Variants in CTNNA1 observed in about 807,000 individuals in gnomAD.
CTNNA1 encodes the protein catenin alpha-1.
In CTNNA1, 37 loss-of-function variants were observed where a neutral mutation model predicts 98.4. That is an observed-to-expected ratio of 0.38 (90% confidence interval 0.29 to 0.49). CTNNA1 has a LOEUF of 0.49. Among genes scored for constraint, CTNNA1 ranks in the 20% least tolerant of loss-of-function variants. The pLI is 0.95. For missense variants in CTNNA1, 761 were observed against 1,147.2 expected, an observed-to-expected ratio of 0.66 and a Z score of 4.86; for synonymous variants, 404 against 413.2, an observed-to-expected ratio of 0.98 and a Z score of 0.27.
chr5:138,892,328 GTTTTT>G (rs70982738), intron 9 of CTNNA1, among the ~76,000 whole-genome samples: 2 of 79,250 alleles, frequency 2.5e-5, no homozygotes, highest in African/African-American at 5.5e-5. Context: ...AAATAGCTTA[GTTTTT>G]TTTTTTTTTT....
intron 3 of CTNNA1, among the ~76,000 whole-genome samples, chr5:138,786,391 T>C (rs1354584566): frequency 6.6e-6 from 1 of 152,202 alleles, no homozygotes; most frequent in Non-Finnish European, 1.5e-5. Flanking sequence ...CTTAATCAAC[T>C]GAGACTTGTT....
intron 7 of CTNNA1, among the ~76,000 whole-genome samples, chr5:138,879,386 T>G (rs552808356): frequency 6.6e-6 from 1 of 152,278 alleles, no homozygotes; most frequent in South Asian, 2.1e-4. Context: ...AGTGTCTACA[T>G]TAGACTACCA....
chr5:138,930,585 G>C lies in CTNNA1; in HGVS notation c.2123G>C (p.Ser708Thr). 1 of 1,614,074 alleles carries C rather than the reference G, an allele frequency of 6.2e-7. No individual in the cohort carries two copies. Among genetic ancestry groups the C allele is most frequent in the East Asian group, 2.2e-5 (1 of 44,876 alleles). Residue 708 changes from serine (S) to threonine (T), a missense_variant, in exon 15 of 18, where the codon AGT (serine) becomes ACT (threonine). By Grantham distance (58) the Ser-to-Thr change is moderately conservative. This residue lies in a region of CTNNA1 where 77 missense variants were observed against 198.8 expected (regional missense o/e 0.39). Transcript: ENST00000302763. ...LDAEVSKWDD[S>T]GNDIIVLAKQ... ...GCTGAAGTGTCCAAATGGGACGACA[G>C]TGGCAATGACATCATTGTGCTGGCC...
intron 3 of CTNNA1, among the ~76,000 whole-genome samples, chr5:138,801,561 C>G (rs901653461): frequency 2.0e-5 from 3 of 152,170 alleles, no homozygotes; most frequent in Non-Finnish European, 4.4e-5. Context: ...ACAAACTTCG[C>G]TGCTAGCTTT....
intron 3 of CTNNA1, among the ~76,000 whole-genome samples, chr5:138,795,064 C>A (rs1308599092): frequency 6.7e-6 from 1 of 148,400 alleles, no homozygotes; most frequent in Non-Finnish European, 1.5e-5. Context: ...GTGGGAGAAT[C>A]ACTTGAACTC....
intron 9 of CTNNA1, among the ~76,000 whole-genome samples, chr5:138,901,815 C>A (rs1408901461): frequency 2.6e-5 from 4 of 152,200 alleles, no homozygotes; most frequent in African/African-American, 9.7e-5. Flanking sequence ...GGAAGCTCCT[C>A]TCCTCGCCCT....
intron 1 of CTNNA1, among the ~76,000 whole-genome samples, chr5:138,757,353 C>T (rs1172738650): frequency 1.3e-5 from 2 of 151,990 alleles, no homozygotes; most frequent in Admixed American, 1.3e-4. Flanking sequence ...GGAAATGGAT[C>T]GTGAATATAT....
At chr5:138,833,679 G>T (rs1761498032) in intron 7 of CTNNA1, among the ~76,000 whole-genome samples, 1 of 152,216 alleles carries the variant, frequency 6.6e-6, no homozygotes, top group African/African-American at 2.4e-5. Context: ...GCTAAGGTGA[G>T]TAGATGAGAG....
intron 3 of CTNNA1, among the ~76,000 whole-genome samples, chr5:138,787,759 T>G (rs1581005450): frequency 6.6e-6 from 1 of 152,248 alleles, no homozygotes; most frequent in East Asian, 1.9e-4. Context: ...GTTTTTGATG[T>G]GTAACTTTCT....
intron 3 of CTNNA1, among the ~76,000 whole-genome samples, chr5:138,788,923 T>C (rs1255611266): frequency 1.3e-5 from 2 of 152,236 alleles, no homozygotes; most frequent in Non-Finnish European, 2.9e-5. Context: ...GCTTCTTCCC[T>C]ATAGCTCATG....
chr5:138,924,694 G>A lies in CTNNA1; in HGVS notation c.1731G>A (p.Lys577=), dbSNP rs746759013. The A allele has an allele frequency of 7.0e-6, 11 of 1,580,638 alleles. No homozygotes were observed. The highest frequency in any genetic ancestry group is 2.3e-5 in the East Asian group (1 of 43,310). The change falls in exon 12 of 18, where the codon AAG becomes AAA. Residue 577 remains lysine (K), a synonymous_variant. Transcript: ENST00000302763. The stretch of plus-strand genomic sequence containing the variant: ...CAGAGAAGGTTCTGGAAGCCACTAA[G>A]CTGCTCTCCAACACAGGTACGGGAA... ...VYTEKVLEAT[K]LLSNTVMPRF... is the part of the protein sequence containing the mutation.
chr5:138,787,259 T>C (rs1003604318), intron 3 of CTNNA1, among the ~76,000 whole-genome samples: 3 of 152,040 alleles, frequency 2.0e-5, no homozygotes, highest in African/African-American at 7.2e-5. Context: ...TGAAACCCCG[T>C]CTCTACTAAA....
chr5:138,931,028 A>G, intron 16 of CTNNA1, 93 bp downstream of exon 16: 1 of 761,814 alleles, frequency 1.3e-6, no homozygotes, highest in South Asian at 1.5e-5. Context: ...CATGGGCCAC[A>G]GCACTTTTGC....
rs764934492 is a variant in CTNNA1, at chr5:138,932,667, C to G, written c.2388C>G (p.Val796=). Residue 796 remains valine, a synonymous_variant, in exon 17 of 18, where the codon GTC becomes GTG. Transcript: ENST00000302763. The part of the protein sequence containing the change: ...YCHQLNICSK[V]KAEVQNLGGE... Reference sequence around the variant, plus strand: ...ACCAGCTGAACATCTGCAGCAAGGTCAAGGCCGAGGTGCAGAATCTCGGCG... The same window carrying G: ...ACCAGCTGAACATCTGCAGCAAGGTGAAGGCCGAGGTGCAGAATCTCGGCG... The G allele has an allele frequency of 6.8e-6, 11 of 1,614,182 alleles. No homozygotes were observed. Among genetic ancestry groups the G allele is most frequent in the Non-Finnish European group, 9.3e-6 (11 of 1,180,022 alleles).
intron 7 of CTNNA1, chr5:138,872,793 C>A: frequency 2.3e-6 from 1 of 437,422 alleles, no homozygotes; most frequent in Non-Finnish European, 4.0e-6. Context: ...GACTTTCCAA[C>A]AGGAGTGCAA....
chr5:138,785,357 G>T (rs954881362), intron 3 of CTNNA1, among the ~76,000 whole-genome samples: 1 of 151,958 alleles, frequency 6.6e-6, no homozygotes, highest in Non-Finnish European at 1.5e-5. Flanking sequence ...CATCGCGCCC[G>T]GCCTAATTTA....
intron 7 of CTNNA1, among the ~76,000 whole-genome samples, chr5:138,829,526 T>A (rs1761054873): frequency 6.6e-6 from 1 of 152,072 alleles, no homozygotes; most frequent in African/African-American, 2.4e-5. Flanking sequence ...ATCCCTTGAG[T>A]CTTGAGGTTG....
intron 1 of CTNNA1, among the ~76,000 whole-genome samples, chr5:138,777,396 T>A (rs1433058955): frequency 6.7e-6 from 1 of 149,534 alleles, no homozygotes; most frequent in Non-Finnish European, 1.5e-5. Context: ...GCAGAGGGGC[T>A]CCTCACGTCC....
At chr5:138,872,861 A>G (rs1198066047) in intron 7 of CTNNA1, 13 of 529,122 alleles carry the variant, frequency 2.5e-5, no homozygotes, top group Non-Finnish European at 3.9e-5. Flanking sequence ...TAAAAAATTA[A>G]AAATACTTCA....
Sources: gnomAD v4.1 joint callset for allele counts (sites outside exome capture counted in the v4.1 genomes callset) on GRCh38, gnomAD v4.1.1 for gene constraint, gnomAD v4.1.1 regional missense constraint, MANE v1.5 for transcripts, NCBI Gene and HGNC (gene_info 2026-07-23, HGNC 2026-07-21) for gene names.